Variants in PRKAG2 observed in about 807,000 individuals in gnomAD.
The protein encoded by PRKAG2 is protein kinase AMP-activated non-catalytic subunit gamma 2.
Under a neutral mutation model 69.6 loss-of-function variants are expected in PRKAG2, and 26 were observed. The observed-to-expected ratio is 0.37, with a 90% CI of 0.27 to 0.52. PRKAG2 has a LOEUF of 0.52. PRKAG2 is among the 20% of genes least tolerant of loss of function. The pLI is 0.90. For synonymous variants in PRKAG2, 293 were observed against 285.0 expected (o/e 1.03, Z -0.28); for missense variants, 557 against 740.0 (o/e 0.75, Z 2.87).
At position 151,632,306 on chromosome 7, in the gene PRKAG2, C is replaced by T. The variant is rs1824788088; in HGVS notation, c.685-168G>A. ...GGCCGGGGGCGGAGCGGGAGCGCTG[C>T]CCCCACCCGCCCGAGGCCGCCGCCG... On this transcript the variant is annotated intron_variant, in intron 4 of 15. Transcript: ENST00000287878. The surrounding 1 kb of genome is among the most constrained non-coding windows in gnomAD (Gnocchi z 4.2). The T allele has an allele frequency of 1.3e-5, 12 of 891,660 alleles. No individual in the cohort carries two copies. The highest frequency in any genetic ancestry group is 1.6e-5 in the Non-Finnish European group (12 of 747,056). 55.2% of individuals were successfully genotyped at this position (891,660 alleles called of 1,614,324 possible).
intron 3 of PRKAG2, among the ~76,000 whole-genome samples, chr7:151,760,559 G>C (rs2151756135): frequency 6.6e-6 from 1 of 152,274 alleles, no homozygotes; most frequent in Non-Finnish European, 1.5e-5. Flanking sequence ...TTTAAAAGCT[G>C]GGGACTGCCC....
chr7:151,728,012 C>T (rs1402492466), intron 3 of PRKAG2, among the ~76,000 whole-genome samples: 4 of 152,192 alleles, frequency 2.6e-5, no homozygotes, highest in Non-Finnish European at 4.4e-5. Flanking sequence ...TTTCCAGAGG[C>T]CACTGCGCTG....
At chr7:151,751,264 A>ATTTT (rs1438712005) in intron 3 of PRKAG2, among the ~76,000 whole-genome samples, 3 of 132,820 alleles carry the variant, frequency 2.3e-5, no homozygotes, top group African/African-American at 7.8e-5. Context: ...TGCCAGGCTA[A>ATTTT]TTTTTATTTA....
intron 1 of PRKAG2, among the ~76,000 whole-genome samples, chr7:151,793,473 C>G (rs2077357573): frequency 6.6e-6 from 1 of 152,220 alleles, no homozygotes; most frequent in Non-Finnish European, 1.5e-5. Context: ...GATCCAGCAC[C>G]AGGCGGGTTC....
intron 5 of PRKAG2, chr7:151,631,827 G>A: frequency 2.0e-6 from 1 of 501,374 alleles, no homozygotes. Context: ...TGGATGCCGG[G>A]CTCAGGGCTG....
At chr7:151,725,315 G>A (rs1160945860) in intron 3 of PRKAG2, among the ~76,000 whole-genome samples, 7 of 152,250 alleles carry the variant, frequency 4.6e-5, no homozygotes, top group Non-Finnish European at 7.3e-5. Context: ...TGATTCCGCT[G>A]ACGAGAGGTC....
chr7:151,589,943 A>G (rs1020344268), intron 6 of PRKAG2, among the ~76,000 whole-genome samples: 1 of 152,064 alleles, frequency 6.6e-6, no homozygotes, highest in Admixed American at 6.6e-5. Context: ...TTTAAAAAAA[A>G]GAAGAAGAAG....
chr7:151,573,233 C>T (rs900170429), intron 8 of PRKAG2, among the ~76,000 whole-genome samples: 17 of 151,154 alleles, frequency 1.1e-4, no homozygotes, highest in African/African-American at 3.7e-4. Flanking sequence ...TCATGACTCA[C>T]TGCAGCCTCA....
At chr7:151,611,886 G>A (rs921772176) in intron 5 of PRKAG2, among the ~76,000 whole-genome samples, 4 of 152,090 alleles carry the variant, frequency 2.6e-5, no homozygotes, top group Admixed American at 2.0e-4. Context: ...CCTCAGCTAA[G>A]ATACAAAAAT....
At chr7:151,693,016 G>GA (rs1321052437) in intron 3 of PRKAG2, among the ~76,000 whole-genome samples, 2 of 152,230 alleles carry the variant, frequency 1.3e-5, no homozygotes, top group Non-Finnish European at 2.9e-5. Flanking sequence ...GGGAGAAGGG[G>GA]AGGGGGCAGG....
intron 3 of PRKAG2, among the ~76,000 whole-genome samples, chr7:151,697,315 GC>G (rs1198935237): frequency 6.6e-6 from 1 of 152,168 alleles, no homozygotes; most frequent in African/African-American, 2.4e-5. Context: ...CTGTGTCCGA[GC>G]ATCAGGGGGC....
intron 1 of PRKAG2, among the ~76,000 whole-genome samples, chr7:151,802,013 C>G (rs773741129): frequency 9.2e-5 from 14 of 152,160 alleles, no homozygotes; most frequent in Non-Finnish European, 1.8e-4. Context: ...GCAGCCCAAG[C>G]CTCTCTGCAG....
intron 1 of PRKAG2, among the ~76,000 whole-genome samples, chr7:151,871,909 C>T (rs930881436): frequency 3.3e-5 from 5 of 152,222 alleles, no homozygotes; most frequent in Non-Finnish European, 7.3e-5. Flanking sequence ...TGCTTGGGCA[C>T]TAGGGGTCCG....
intron 3 of PRKAG2, among the ~76,000 whole-genome samples, chr7:151,726,273 G>A (rs778074803): frequency 2.0e-5 from 3 of 152,068 alleles, no homozygotes; most frequent in Admixed American, 6.5e-5. Context: ...GCGCAGAGCC[G>A]GATGGTGGCA....
rs1326481327 is a variant in PRKAG2, at chr7:151,629,507, T to C, written c.754+2562A>G. Among the ~76,000 whole-genome samples the C allele has an allele frequency of 3.3e-5, 5 of 152,132 alleles. No individual in the cohort carries two copies. In the East Asian group the frequency reaches 9.6e-4, roughly 29 times the overall value. On this transcript the variant is annotated intron_variant, in intron 5 of 15. Coordinates refer to ENST00000287878, the MANE Select transcript of PRKAG2 (RefSeq NM_016203.4). Reference sequence around the variant, plus strand: ...GGCCATCAAACCCACCCGTACCATGTCCCTCTTGTCGTGGTAAGAAGGGTT... The same window carrying C: ...GGCCATCAAACCCACCCGTACCATGCCCCTCTTGTCGTGGTAAGAAGGGTT...
chr7:151,595,804 G>T (rs1343350903), intron 5 of PRKAG2, among the ~76,000 whole-genome samples: 1 of 152,126 alleles, frequency 6.6e-6, no homozygotes, highest in Non-Finnish European at 1.5e-5. Context: ...CAGGGTCATA[G>T]AATTAAATCA....
intron 4 of PRKAG2, among the ~76,000 whole-genome samples, chr7:151,657,135 T>A (rs1237893200): frequency 1.1e-5 from 1 of 92,864 alleles, no homozygotes; most frequent in Non-Finnish European, 2.2e-5. Context: ...AGACTCCATC[T>A]CAAAAAAAAA....
intron 1 of PRKAG2, among the ~76,000 whole-genome samples, chr7:151,834,525 T>A (rs1586690710): frequency 1.3e-5 from 2 of 152,268 alleles, no homozygotes; most frequent in Admixed American, 6.5e-5. Context: ...GGCACGGGTG[T>A]CCCTGTTTGC....
At chr7:151,681,060 G>A (rs992326150) in intron 3 of PRKAG2, among the ~76,000 whole-genome samples, 1 of 152,080 alleles carries the variant, frequency 6.6e-6, no homozygotes, top group African/African-American at 2.4e-5. Flanking sequence ...ACCCCCTGCC[G>A]AGAGCTCTTA....
Sources: allele counts gnomAD v4.1 joint callset (sites outside exome capture counted in the v4.1 genomes callset), GRCh38; gene constraint gnomAD v4.1.1; non-coding constraint Gnocchi (gnomAD v3.1); transcripts MANE v1.5; gene names NCBI Gene and HGNC (gene_info 2026-07-23, HGNC 2026-07-21).